Variants in RAPGEF1 observed in about 807,000 individuals in gnomAD.
RAPGEF1 encodes the protein Rap guanine nucleotide exchange factor 1, also known as CRK SH3-binding GNRP.
A neutral mutation model predicts 143.3 loss-of-function variants in RAPGEF1; 33 were observed. The ratio of observed to expected loss-of-function variants is 0.23; its 90% CI spans 0.17 to 0.31. The LOEUF is 0.31. Ranked by LOEUF, RAPGEF1 falls within the 10% of genes least tolerant of loss-of-function variation. RAPGEF1 has a pLI of 1.00. For missense variants in RAPGEF1, 1,199 were observed against 1,645.4 expected (o/e 0.73, Z 4.69); for synonymous variants, 629 against 676.5 (o/e 0.93, Z 1.09).
intron 12 of RAPGEF1, among the ~76,000 whole-genome samples, chr9:131,607,599 G>A (rs1327356958): frequency 1.3e-5 from 2 of 152,078 alleles, no homozygotes; most frequent in Admixed American, 1.3e-4. Context: ...CTGCCTTCAG[G>A]GAACCCTTGT....
At chr9:131,689,080 G>C (rs1260330296) in intron 1 of RAPGEF1, among the ~76,000 whole-genome samples, 2 of 152,122 alleles carry the variant, frequency 1.3e-5, no homozygotes, top group Non-Finnish European at 1.5e-5. Context: ...GACAGATTTA[G>C]GGTTGTCTGG....
At chr9:131,619,391 A>C (rs1414040022) in intron 11 of RAPGEF1, among the ~76,000 whole-genome samples, 185 bp from the exon 12 acceptor site, 4 of 152,174 alleles carry the variant, frequency 2.6e-5, no homozygotes, top group African/African-American at 4.8e-5. Context: ...ATCTGCATGA[A>C]AGGGCACCCT....
intron 12 of RAPGEF1, among the ~76,000 whole-genome samples, chr9:131,609,024 A>C (rs761624218): frequency 6.6e-6 from 1 of 152,114 alleles, no homozygotes; most frequent in Non-Finnish European, 1.5e-5. Flanking sequence ...TTATAGCCAG[A>C]ATAAGACTGT....
At chr9:131,598,336 CAAGT>C (rs1955648347) in intron 15 of RAPGEF1, 26 bp from the exon 16 acceptor site, 3 of 1,598,382 alleles carry the variant, frequency 1.9e-6, no homozygotes, top group Non-Finnish European at 2.6e-6. Flanking sequence ...GTTTGTGTTG[CAAGT>C]GTCAAACCGG....
rs113936496 is a variant in RAPGEF1, at chr9:131,579,065, CT to C, written c.*431del. On this transcript the variant is annotated 3_prime_UTR_variant, in exon 27 of 27. Transcript: ENST00000683357. The stretch of plus-strand genomic sequence containing the variant: ...TGCAGGACAGGCCACCCCAGGAGGC[CT>C]CCACTCATTTGAGATTTCAGAAGAT... The C allele has an allele frequency of 0.016, 2,760 of 169,488 alleles. 85 individuals are homozygous for C. The highest frequency in any genetic ancestry group is 0.063 in the African/African-American group (2,640 of 41,780). 10.5% of individuals were successfully genotyped at this position (169,488 alleles called of 1,614,324 possible). A position where few individuals can be genotyped will look rare whatever the true frequency, so the allele number is the denominator to read the frequency against.
chr9:131,638,192 G>A (rs990063180), intron 5 of RAPGEF1, among the ~76,000 whole-genome samples: 2 of 152,150 alleles, frequency 1.3e-5, no homozygotes, highest in Admixed American at 6.5e-5. Flanking sequence ...ACCACATCAC[G>A]GATATCAAGT....
Position 131,630,246 on chromosome 9 carries a change from T to G in RAPGEF1, c.730A>C (p.Lys244Gln). 6.2e-7 allele frequency: 1 copy of G among 1,613,840 alleles called. No homozygotes were observed. Among genetic ancestry groups the G allele is most frequent in the South Asian group, 1.1e-5 (1 of 91,062 alleles). The change falls in exon 6 of 27, where the codon AAG becomes CAG. Residue 244 changes from lysine to glutamine, a missense_variant. By Grantham distance (53) the Lys-to-Gln change is moderately conservative. This residue lies in a region of RAPGEF1 where 613 missense variants were observed against 710.9 expected (regional missense o/e 0.86). Transcript: ENST00000683357. The part of the protein sequence containing the change: ...SPVKPSSPAS[K>Q]PDGPAELPLT... ...TTAGTCAGCACCTACCCATCAGGCTTGCTGGCAGGGGAACTGGGCTTCACG... is the reference window on the plus strand; with the variant it reads ...TTAGTCAGCACCTACCCATCAGGCTGGCTGGCAGGGGAACTGGGCTTCACG...
intron 12 of RAPGEF1, among the ~76,000 whole-genome samples, chr9:131,613,443 G>A (rs1014677063): frequency 6.6e-6 from 1 of 152,220 alleles, no homozygotes; most frequent in African/African-American, 2.4e-5. Flanking sequence ...CTAGCTGCAG[G>A]GTTGAGAAGC....
chr9:131,592,616 G>A (rs1195619803), intron 17 of RAPGEF1, among the ~76,000 whole-genome samples: 3 of 152,170 alleles, frequency 2.0e-5, no homozygotes, highest in Non-Finnish European at 2.9e-5. Context: ...TAGACTCTGA[G>A]AGGCTCTGCC....
intron 11 of RAPGEF1, among the ~76,000 whole-genome samples, chr9:131,619,858 T>C (rs760583388): frequency 3.7e-4 from 57 of 152,180 alleles, no homozygotes; most frequent in Admixed American, 2.0e-3. Flanking sequence ...TGAGAGAGGG[T>C]GTGACCAGCA....
In RAPGEF1 at chr9:131,660,122, G is replaced by A. The variant is rs561898782; in HGVS notation, c.62-9173C>T. The stretch of plus-strand genomic sequence containing the variant: ...CATGAGGCACTGCACCCGGCCTGGA[G>A]TTATATTTTTCTAACAACTTTAACA... On this transcript the variant is annotated intron_variant, in intron 1 of 26. Coordinates refer to ENST00000683357, the MANE Select transcript of RAPGEF1 (RefSeq NM_001377935.1). 1.7e-3 allele frequency among the ~76,000 whole-genome samples: 254 copies of A among 152,304 alleles called. 1 individual carries two copies. Among genetic ancestry groups the A allele is most frequent in the African/African-American group, 4.0e-3 (166 of 41,560 alleles).
At position 131,623,669 on chromosome 9, in the gene RAPGEF1, G is replaced by A. The variant is rs1456417047; in HGVS notation, c.1703-1671C>T. Among the ~76,000 whole-genome samples, 6 of 152,332 alleles carry A rather than the reference G, an allele frequency of 3.9e-5. No homozygotes were observed. The South Asian group carries it at 8.3e-4, about 21-fold the overall frequency. On this transcript the variant is annotated intron_variant, in intron 10 of 26. Transcript: ENST00000683357. ...CCAGCATTGCTGGGAAGGTTCAGCC[G>A]CCAGTGCTCAGGGCCTGGGACTGTG... is the stretch of plus-strand genomic sequence containing the variant.
chr9:131,598,944 C>T (rs1955784437), intron 15 of RAPGEF1, among the ~76,000 whole-genome samples: 1 of 151,094 alleles, frequency 6.6e-6, no homozygotes, highest in East Asian at 1.9e-4. Context: ...CCTGCCTCAG[C>T]CTCCTGAGTA....
intron 3 of RAPGEF1, among the ~76,000 whole-genome samples, chr9:131,643,884 G>A (rs1968779238): frequency 6.6e-6 from 1 of 152,148 alleles, no homozygotes; most frequent in South Asian, 2.1e-4. Flanking sequence ...CAGGGCATGA[G>A]GGGCTGAAAC....
rs1381091285 is a variant in RAPGEF1, at chr9:131,655,935, T to C, written c.62-4986A>G. On this transcript the variant is annotated intron_variant, in intron 1 of 26. Coordinates refer to ENST00000683357, the MANE Select transcript of RAPGEF1 (RefSeq NM_001377935.1). This position sits in a 1 kb window ranked among gnomAD's most constrained non-coding sequence, Gnocchi z 4.1. Reference sequence around the variant, plus strand: ...GTGCACTGGAGTCAGAATGTTTGCATTCAAATACTTAGATATCATCTCTCT... The same window carrying C: ...GTGCACTGGAGTCAGAATGTTTGCACTCAAATACTTAGATATCATCTCTCT... Among the ~76,000 whole-genome samples the C allele has an allele frequency of 2.0e-5, 3 of 152,178 alleles. No homozygotes were observed.
At chr9:131,735,795 C>T (rs1014665036) in intron 1 of RAPGEF1, among the ~76,000 whole-genome samples, 1 of 152,182 alleles carries the variant, frequency 6.6e-6, no homozygotes, top group Admixed American at 6.5e-5. Flanking sequence ...TAGGCAGGAA[C>T]AAGCGCTCAG....
Position 131,615,125 on chromosome 9 carries a change from C to T in RAPGEF1, c.2061+3926G>A, listed in dbSNP as rs187605426. Among the ~76,000 whole-genome samples, 530 of 152,228 alleles carry T rather than the reference C, an allele frequency of 3.5e-3. 7 individuals are homozygous for T. The highest frequency in any genetic ancestry group is 0.018 in the Admixed American group (273 of 15,298). On this transcript the variant is annotated intron_variant, in intron 12 of 26. Coordinates refer to ENST00000683357, the MANE Select transcript of RAPGEF1 (RefSeq NM_001377935.1). ...TCTTGCTCTGTTGCCCAGGCTGGAG[C>T]GCAGTGGCGCGATCTCCACTCACCG... is the stretch of plus-strand genomic sequence containing the variant.
intron 12 of RAPGEF1, among the ~76,000 whole-genome samples, chr9:131,609,983 A>G (rs980638287): frequency 1.3e-5 from 2 of 152,012 alleles, no homozygotes; most frequent in African/African-American, 2.4e-5. Flanking sequence ...TGTAGCCTCA[A>G]CCTCCTGGGT....
intron 1 of RAPGEF1, among the ~76,000 whole-genome samples, chr9:131,705,812 T>C (rs1835009134): frequency 6.6e-6 from 1 of 152,164 alleles, no homozygotes; most frequent in African/African-American, 2.4e-5. Flanking sequence ...AAATGCTCTG[T>C]AGGGTGACAG....
Sources: gnomAD v4.1 joint callset for allele counts (sites outside exome capture counted in the v4.1 genomes callset) on GRCh38, gnomAD v4.1.1 for gene constraint, gnomAD v4.1.1 regional missense constraint, Gnocchi (gnomAD v3.1) non-coding constraint, MANE v1.5 for transcripts, NCBI Gene and HGNC (gene_info 2026-07-23, HGNC 2026-07-21) for gene names.